RICTOR: variants seen among roughly 807,000 people sequenced by gnomAD.
The protein encoded by RICTOR is RPTOR independent companion of MTOR complex 2, also known as rapamycin-insensitive companion of mTOR.
RICTOR carries 49 observed loss-of-function variants against 214.9 expected under a neutral mutation model. That is an observed-to-expected ratio of 0.23 (90% CI 0.18 to 0.29). The LOEUF (loss-of-function observed/expected upper bound fraction) is 0.29. RICTOR is among the 10% of genes least tolerant of loss of function. The probability of loss-of-function intolerance (pLI) is 1.00; values close to 1 mark genes in which losing one functional copy is unlikely to be tolerated. For synonymous variants in RICTOR, 717 were observed against 711.3 expected, an observed-to-expected ratio of 1.01 and a Z score of -0.13; for missense variants, 1,625 against 2,047.0, an observed-to-expected ratio of 0.79 and a Z score of 3.98.
rs577647698 is a variant in RICTOR, at chr5:38,973,051, G to A, written c.890-1092C>T. 3.3e-5 allele frequency among the ~76,000 whole-genome samples: 5 copies of A among 151,898 alleles called. No homozygotes were observed. In the South Asian group the frequency reaches 1.0e-3, roughly 31 times the overall value. Reference sequence around the variant, plus strand: ...ATGATTCCACTAATATTAAGTTTCAGAATAGGCAAAACTAAGCCACAAAAA... The same window carrying A: ...ATGATTCCACTAATATTAAGTTTCAAAATAGGCAAAACTAAGCCACAAAAA... On this transcript the variant is annotated intron_variant, in intron 10 of 37. Coordinates refer to ENST00000357387, the MANE Select transcript of RICTOR (RefSeq NM_152756.5).
At position 38,975,622 on chromosome 5, in the gene RICTOR, G is replaced by A. The variant is rs2150049447; in HGVS notation, c.822-18C>T. 1 of 1,599,164 alleles carries A rather than the reference G, an allele frequency of 6.3e-7. No homozygotes were observed. On this transcript the variant is annotated intron_variant, in intron 9 of 37. Transcript: ENST00000357387. ...TGTCTTCTCTGTTGGGGGTGGGGAG[G>A]CAGCGGGGAGAATCAATGAAATAAA...
At chr5:39,028,654 C>T (rs1355886467) in intron 2 of RICTOR, among the ~76,000 whole-genome samples, 1 of 152,096 alleles carries the variant, frequency 6.6e-6, no homozygotes, top group East Asian at 1.9e-4. Context: ...TCATAACAGC[C>T]CCAAAGTGGA....
chr5:39,022,519 G>T, intron 2 of RICTOR: 1 of 153,810 alleles, frequency 6.5e-6, no homozygotes. Flanking sequence ...ACCCATGAAG[G>T]GAGTTGGAAA....
At chr5:39,016,391 GAA>G (rs1372286423) in intron 3 of RICTOR, among the ~76,000 whole-genome samples, 2 of 151,676 alleles carry the variant, frequency 1.3e-5, no homozygotes, top group African/African-American at 4.8e-5. Context: ...GAAGGGTGAA[GAA>G]AAGAGTGAGA....
intron 4 of RICTOR, among the ~76,000 whole-genome samples, chr5:39,003,010 T>TA (rs1753757566): frequency 6.6e-6 from 1 of 152,146 alleles, no homozygotes. Flanking sequence ...TTTGTGTCTC[T>TA]ACAATCGAAT....
At chr5:39,044,824 C>T (rs1268644690) in intron 2 of RICTOR, among the ~76,000 whole-genome samples, 1 of 152,168 alleles carries the variant, frequency 6.6e-6, no homozygotes. Flanking sequence ...CTTTTCTATT[C>T]CACCCTCTCA....
intron 2 of RICTOR, among the ~76,000 whole-genome samples, chr5:39,035,217 G>A (rs532929753): frequency 6.6e-6 from 1 of 152,348 alleles, no homozygotes; most frequent in East Asian, 1.9e-4. Flanking sequence ...AACAGGGTCT[G>A]GAGTGGACCT....
chr5:38,988,205 A>G (rs1431791450), intron 7 of RICTOR, among the ~76,000 whole-genome samples: 1 of 152,186 alleles, frequency 6.6e-6, no homozygotes, highest in Non-Finnish European at 1.5e-5. Context: ...AGTTCTGTAG[A>G]TATCTATTAG....
At chr5:39,037,607 T>C (rs1157390118) in intron 2 of RICTOR, among the ~76,000 whole-genome samples, 3 of 152,028 alleles carry the variant, frequency 2.0e-5, no homozygotes, top group Admixed American at 6.6e-5. Flanking sequence ...AAGAATCAAA[T>C]AGACGCAATA....
Position 39,024,016 on chromosome 5 carries a change from G to A in RICTOR, c.98-2880C>T, listed in dbSNP as rs537891134. On this transcript the variant is annotated intron_variant, in intron 2 of 37. Transcript: ENST00000357387. ...TGGAAAACAATTTTTCCATGGACCCGGGGTGGGGATGGTTTTGGGATGAAA... is the reference window on the plus strand; with the variant it reads ...TGGAAAACAATTTTTCCATGGACCCAGGGTGGGGATGGTTTTGGGATGAAA... Among the ~76,000 whole-genome samples, 12 of 152,292 alleles carry A rather than the reference G, an allele frequency of 7.9e-5. 1 individual carries two copies. In the South Asian group the frequency reaches 1.9e-3, roughly 24 times the overall value.
chr5:38,941,473 T>C lies in RICTOR; in HGVS notation c.*831A>G, dbSNP rs1429688938. On this transcript the variant is annotated 3_prime_UTR_variant, in exon 38 of 38. Transcript: ENST00000357387. The stretch of plus-strand genomic sequence containing the variant: ...AACAGTGCTTGTTCAAGTTCCTGTT[T>C]AAAGCGATGAGATGGAAAGTTGATG... 1.3e-5 allele frequency: 3 copies of C among 231,696 alleles called. No homozygotes were observed. Among genetic ancestry groups the C allele is most frequent in the Non-Finnish European group, 2.6e-5 (3 of 116,934 alleles). The allele number at this position is 231,696 out of a possible 1,614,324, so 14.4% of individuals were successfully genotyped here.
chr5:38,964,935 A>G (rs773153791), intron 15 of RICTOR, 43 bp from the exon 16 acceptor site: 1 of 1,223,812 alleles, frequency 8.2e-7, no homozygotes, highest in South Asian at 1.3e-5. Context: ...TCAGAAGTAG[A>G]AAGAGTTTAT....
chr5:39,073,338 G>GT (rs1433783619), intron 2 of RICTOR, among the ~76,000 whole-genome samples: 3 of 152,196 alleles, frequency 2.0e-5, no homozygotes, highest in African/African-American at 4.8e-5. Context: ...CTCTAGTACT[G>GT]TAAGTGATAG....
intron 7 of RICTOR, among the ~76,000 whole-genome samples, chr5:38,985,434 T>C (rs942515938): frequency 7.9e-5 from 12 of 152,212 alleles, no homozygotes; most frequent in Non-Finnish European, 1.8e-4. Context: ...AAAGGCCAAC[T>C]GTATTTGTTT....
At chr5:39,016,305 G>C (rs573623607) in intron 3 of RICTOR, among the ~76,000 whole-genome samples, 2 of 145,726 alleles carry the variant, frequency 1.4e-5, no homozygotes, top group Non-Finnish European at 3.0e-5. Flanking sequence ...GTACAACGGA[G>C]AAAAGGAAGG....
chr5:39,035,063 G>A (rs1171867980), intron 2 of RICTOR, among the ~76,000 whole-genome samples: 6 of 152,194 alleles, frequency 3.9e-5, no homozygotes, highest in African/African-American at 1.4e-4. Flanking sequence ...CTAACTGGGA[G>A]GCACCCTCCA....
At chr5:39,025,129 G>C (rs544501513) in intron 2 of RICTOR, among the ~76,000 whole-genome samples, 7 of 152,176 alleles carry the variant, frequency 4.6e-5, no homozygotes, top group African/African-American at 1.7e-4. Flanking sequence ...AAATGAATCA[G>C]CCTTTCTCCC....
intron 9 of RICTOR, among the ~76,000 whole-genome samples, chr5:38,976,989 AG>A (rs1240885851): frequency 6.6e-6 from 1 of 152,224 alleles, no homozygotes; most frequent in African/African-American, 2.4e-5. Context: ...AGCATAAGAA[AG>A]AGTATACAGC....
intron 2 of RICTOR, among the ~76,000 whole-genome samples, chr5:39,068,480 C>CA (rs886240072): frequency 1.3e-5 from 2 of 151,996 alleles, no homozygotes; most frequent in Non-Finnish European, 2.9e-5. Context: ...GGGAGTAAAT[C>CA]AAAAAAGGCC....
Sources: gnomAD v4.1 joint callset for allele counts (sites outside exome capture counted in the v4.1 genomes callset) on GRCh38, gnomAD v4.1.1 for gene constraint, MANE v1.5 for transcripts, NCBI Gene and HGNC (gene_info 2026-07-23, HGNC 2026-07-21) for gene names.